SLC4A10: variants seen among roughly 807,000 people sequenced by gnomAD.
SLC4A10 encodes the protein solute carrier family 4 member 10.
SLC4A10 carries 42 observed loss-of-function variants against 137.7 expected under a neutral mutation model. The observed-to-expected ratio is 0.30, with a 90% confidence interval of 0.24 to 0.39. The LOEUF (loss-of-function observed/expected upper bound fraction) is 0.39, where lower values mean the gene tolerates loss of function less well. SLC4A10 is among the 10% of genes least tolerant of loss of function. SLC4A10 has a pLI of 1.00. For synonymous variants in SLC4A10, 474 were observed against 464.1 expected (o/e 1.02, Z -0.27); for missense variants, 925 against 1,355.0 (o/e 0.68, Z 4.98).
chr2:161,939,275 C>T (rs1267513399), intron 15 of SLC4A10, among the ~76,000 whole-genome samples: 2 of 151,974 alleles, frequency 1.3e-5, no homozygotes. Context: ...TGGGGTTTCA[C>T]CATGTTGGCC....
chr2:161,760,562 T>C (rs1334214795), intron 1 of SLC4A10, among the ~76,000 whole-genome samples: 3 of 152,010 alleles, frequency 2.0e-5, no homozygotes, highest in African/African-American at 7.2e-5. Context: ...TCTCCCTTTT[T>C]CAAATAACTC....
At chr2:161,762,006 T>C (rs1172649338) in intron 1 of SLC4A10, among the ~76,000 whole-genome samples, 1 of 152,092 alleles carries the variant, frequency 6.6e-6, no homozygotes, top group African/African-American at 2.4e-5. Context: ...CTTGTATGTA[T>C]AAAGATGAAA....
At chr2:161,636,749 G>A (rs372884804) in intron 1 of SLC4A10, among the ~76,000 whole-genome samples, 109 of 152,092 alleles carry the variant, frequency 7.2e-4, no homozygotes, top group African/African-American at 2.0e-3. Context: ...GAGTTTAGTC[G>A]TGCAATCATG....
intron 8 of SLC4A10, among the ~76,000 whole-genome samples, chr2:161,878,300 A>G (rs1278558494): frequency 2.6e-5 from 4 of 152,208 alleles, no homozygotes; most frequent in Non-Finnish European, 4.4e-5. Flanking sequence ...ATTAGAAACA[A>G]GACATAGATC....
chr2:161,975,744 C>T (rs1699283475), intron 24 of SLC4A10, among the ~76,000 whole-genome samples: 1 of 152,124 alleles, frequency 6.6e-6, no homozygotes, highest in African/African-American at 2.4e-5. Flanking sequence ...GGCATTTGAA[C>T]AAAGAAGGGG....
chr2:161,771,401 T>C (rs2051591441), intron 2 of SLC4A10, among the ~76,000 whole-genome samples: 1 of 151,828 alleles, frequency 6.6e-6, no homozygotes, highest in African/African-American at 2.4e-5. Flanking sequence ...GAGGTGAATG[T>C]AGGACAGGAG....
chr2:161,652,865 A>G (rs1393310460), intron 1 of SLC4A10, among the ~76,000 whole-genome samples: 1 of 82,300 alleles, frequency 1.2e-5, no homozygotes, highest in Non-Finnish European at 2.7e-5. Context: ...TTTTCTTTTA[A>G]GTATATTTTA....
intron 1 of SLC4A10, among the ~76,000 whole-genome samples, chr2:161,747,180 G>A: frequency 6.6e-6 from 1 of 152,086 alleles, no homozygotes; most frequent in East Asian, 1.9e-4. Context: ...AGTTTATTTA[G>A]GAGCCCAAAG....
At chr2:161,855,736 C>A (rs1439445603) in intron 5 of SLC4A10, among the ~76,000 whole-genome samples, 1 of 151,938 alleles carries the variant, frequency 6.6e-6, no homozygotes, top group Non-Finnish European at 1.5e-5. Context: ...ACTCCTGTAT[C>A]TTTTGACCAG....
intron 4 of SLC4A10, among the ~76,000 whole-genome samples, chr2:161,843,779 A>T (rs2059334095): frequency 6.6e-6 from 1 of 152,092 alleles, no homozygotes; most frequent in Admixed American, 6.6e-5. Context: ...TCCAGATGGG[A>T]TTAATAATTT....
At chr2:161,983,151 T>C (rs1700451708) in intron 26 of SLC4A10, 28 bp from the exon 27 acceptor site, 1 of 1,535,078 alleles carries the variant, frequency 6.5e-7, no homozygotes, top group African/African-American at 1.4e-5. Flanking sequence ...ATTGCAGTAA[T>C]AAATGTGTCC....
chr2:161,852,867 T>G lies in SLC4A10; in HGVS notation c.417-2103T>G, dbSNP rs140811245. ...GTTTAATTTGTCTCATCATTTTACC[T>G]GTGAGAAAACTGACCCAGAGAAGTT... On this transcript the variant is annotated intron_variant, in intron 4 of 26. Transcript: ENST00000446997. Among the ~76,000 whole-genome samples the G allele has an allele frequency of 3.4e-4, 52 of 152,316 alleles. No homozygotes were observed. In the East Asian group the frequency reaches 7.5e-3, roughly 22 times the overall value.
intron 1 of SLC4A10, among the ~76,000 whole-genome samples, chr2:161,638,567 T>C (rs1487068393): frequency 2.0e-5 from 3 of 152,102 alleles, no homozygotes; most frequent in Non-Finnish European, 2.9e-5. Context: ...GTGATACCTC[T>C]AGTTTTCTTC....
chr2:161,963,559 T>A (rs191828113), intron 21 of SLC4A10, among the ~76,000 whole-genome samples: 1 of 152,244 alleles, frequency 6.6e-6, no homozygotes, highest in African/African-American at 2.4e-5. Context: ...TGTTGGGGAT[T>A]AAAGGGACAA....
chr2:161,687,121 G>T (rs1268295836), intron 1 of SLC4A10, among the ~76,000 whole-genome samples: 1 of 152,054 alleles, frequency 6.6e-6, no homozygotes, highest in Admixed American at 6.6e-5. Flanking sequence ...AACCTCAGCT[G>T]ATGGGCTTCC....
chr2:161,935,043 G>A (rs957831363), intron 15 of SLC4A10, among the ~76,000 whole-genome samples: 7 of 152,044 alleles, frequency 4.6e-5, no homozygotes, highest in Non-Finnish European at 8.8e-5. Context: ...GTGGTTTTAG[G>A]TATTTAATCC....
intron 3 of SLC4A10, among the ~76,000 whole-genome samples, chr2:161,833,766 A>T (rs968206701): frequency 5.3e-5 from 8 of 152,226 alleles, no homozygotes; most frequent in Non-Finnish European, 1.2e-4. Flanking sequence ...CAATTGGCTG[A>T]TAATCAAGGT....
At chr2:161,833,057 A>G (rs1211694137) in intron 3 of SLC4A10, among the ~76,000 whole-genome samples, 1 of 152,206 alleles carries the variant, frequency 6.6e-6, no homozygotes, top group African/African-American at 2.4e-5. Context: ...ATTTTCTTTC[A>G]GACAACAATT....
chr2:161,836,248 A>G (rs1445327223), intron 3 of SLC4A10, among the ~76,000 whole-genome samples: 1 of 130,650 alleles, frequency 7.7e-6, no homozygotes, highest in South Asian at 2.4e-4. Context: ...CTGTAATCCC[A>G]GCACTTTGGG....
Sources: allele counts gnomAD v4.1 joint callset (sites outside exome capture counted in the v4.1 genomes callset), GRCh38; gene constraint gnomAD v4.1.1; transcripts MANE v1.5; gene names NCBI Gene and HGNC (gene_info 2026-07-23, HGNC 2026-07-21).